Variants in PCDHGA2 observed in about 807,000 individuals in gnomAD.
PCDHGA2 encodes protocadherin gamma subfamily A, 2.
In PCDHGA2, 40 loss-of-function variants were observed where a neutral mutation model predicts 59.2. The observed-to-expected ratio is 0.68, with a 90% CI of 0.52 to 0.88. PCDHGA2 has a LOEUF of 0.88. PCDHGA2 is among the 40% of genes least tolerant of loss of function. The pLI is 0.00. For synonymous variants in PCDHGA2, 560 were observed against 526.0 expected (o/e 1.06, Z -0.89); for missense variants, 1,226 against 1,204.0 (o/e 1.02, Z -0.27).
At chr5:141,399,927 G>A (rs918358571) in intron 1 of PCDHGA2, 7 of 1,612,226 alleles carry the variant, frequency 4.3e-6, no homozygotes, top group Non-Finnish European at 5.1e-6. Flanking sequence ...ACGCCTGGCT[G>A]TCCTACCACG....
intron 1 of PCDHGA2, chr5:141,344,057 A>G (rs1407517095): frequency 6.4e-7 from 1 of 1,560,120 alleles, no homozygotes. Context: ...TGAGTTTCCG[A>G]AATGGCAGAG....
At chr5:141,375,007 C>A (rs369489853) in intron 1 of PCDHGA2, 1 of 1,614,000 alleles carries the variant, frequency 6.2e-7, no homozygotes, top group East Asian at 2.2e-5. Context: ...CAAATCTAGA[C>A]TATGAGGACT....
chr5:141,413,139 C>A, intron 1 of PCDHGA2: 1 of 1,553,028 alleles, frequency 6.4e-7, no homozygotes. Context: ...ACAACGTGTC[C>A]AGTGAGGACT....
chr5:141,375,833 C>G, intron 1 of PCDHGA2: 1 of 1,614,152 alleles, frequency 6.2e-7, no homozygotes, highest in South Asian at 1.1e-5. Flanking sequence ...CTCCGCAGAG[C>G]CCGGCTACCT....
At chr5:141,355,118 T>C in intron 1 of PCDHGA2, 1 of 1,514,140 alleles carries the variant, frequency 6.6e-7, no homozygotes, top group Non-Finnish European at 8.8e-7. Context: ...ATGCACTTTA[T>C]TTTGGACCCA....
intron 1 of PCDHGA2, chr5:141,385,640 A>G (rs917789862): frequency 1.2e-6 from 1 of 803,664 alleles, no homozygotes; most frequent in South Asian, 4.4e-5. Context: ...CGAGTCTTTC[A>G]TATTGCACAA....
chr5:141,399,221 T>C (rs564668507), intron 1 of PCDHGA2: 1 of 1,613,960 alleles, frequency 6.2e-7, no homozygotes, highest in Non-Finnish European at 8.5e-7. Flanking sequence ...ATTGCTTTGA[T>C]CAAAATACAT....
chr5:141,352,155 A>G, intron 1 of PCDHGA2: 2 of 1,612,668 alleles, frequency 1.2e-6, no homozygotes, highest in Non-Finnish European at 8.5e-7. Context: ...GGCGACAGGG[A>G]CGCGGCCCGC....
chr5:141,444,410 A>G (rs2098435910), intron 1 of PCDHGA2, among the ~76,000 whole-genome samples: 1 of 151,922 alleles, frequency 6.6e-6, no homozygotes, highest in African/African-American at 2.4e-5. Flanking sequence ...ACCTCAGGTG[A>G]TCTTCCCTCC....
At position 141,431,968 on chromosome 5, in the gene PCDHGA2, T is replaced by A. The variant is rs571981127; in HGVS notation, c.2425-62839T>A. On this transcript the variant is annotated intron_variant, in intron 1 of 3. Coordinates refer to ENST00000394576, the MANE Select transcript of PCDHGA2 (RefSeq NM_018915.4). The surrounding 1 kb of genome is among the most constrained non-coding windows in gnomAD (Gnocchi z 4.8). Reference sequence around the variant, plus strand: ...AAAAATCTTACGGAAATTACTATAGTTTAGTCACAGACATAGTCTTGGATA... The same window carrying A: ...AAAAATCTTACGGAAATTACTATAGATTAGTCACAGACATAGTCTTGGATA... 1.9e-6 allele frequency: 3 copies of A among 1,614,072 alleles called. No individual in the cohort carries two copies. Among genetic ancestry groups the A allele is most frequent in the Non-Finnish European group, 2.5e-6 (3 of 1,180,014 alleles).
intron 1 of PCDHGA2, among the ~76,000 whole-genome samples, chr5:141,438,626 A>G (rs1309857700): frequency 2.3e-5 from 1 of 43,566 alleles, no homozygotes; most frequent in Non-Finnish European, 3.7e-5. Flanking sequence ...ATATATATAT[A>G]TATATATATA....
Position 141,477,283 on chromosome 5 carries a change from C to T in PCDHGA2, c.2425-17524C>T, listed in dbSNP as rs766672047. The T allele has an allele frequency of 9.3e-6, 15 of 1,614,076 alleles. No homozygotes were observed. The highest frequency in any genetic ancestry group is 2.7e-5 in the African/African-American group (2 of 74,924). On this transcript the variant is annotated intron_variant, in intron 1 of 3. Coordinates refer to ENST00000394576, the MANE Select transcript of PCDHGA2 (RefSeq NM_018915.4). The surrounding 1 kb of genome is among the most constrained non-coding windows in gnomAD (Gnocchi z 4.9). ...CTGGCGAGAACGGGCTGGTGACCTG[C>T]GAAGTTCCACCGGGTCTCCCTTTCA... is the stretch of plus-strand genomic sequence containing the variant.
chr5:141,352,928 T>C (rs1362352639), intron 1 of PCDHGA2, among the ~76,000 whole-genome samples: 1 of 152,178 alleles, frequency 6.6e-6, no homozygotes, highest in Non-Finnish European at 1.5e-5. Flanking sequence ...GTGGAGATTG[T>C]AGTGAGCCAA....
chr5:141,478,116 C>T (rs145816520), intron 1 of PCDHGA2: 1 of 1,613,974 alleles, frequency 6.2e-7, no homozygotes, highest in Non-Finnish European at 8.5e-7. Flanking sequence ...GTGTCAGTAA[C>T]CGAGGACTCT....
intron 1 of PCDHGA2, chr5:141,419,244 C>T (rs2096349736): frequency 1.2e-6 from 2 of 1,614,008 alleles, no homozygotes; most frequent in Non-Finnish European, 1.7e-6. Context: ...GTCCACGTGC[C>T]AGAAAACAAC....
chr5:141,414,000 A>T (rs759228883), intron 1 of PCDHGA2: 2 of 1,613,282 alleles, frequency 1.2e-6, no homozygotes, highest in African/African-American at 2.7e-5. Flanking sequence ...ACAGGGACGA[A>T]GGTGCCAATG....
intron 1 of PCDHGA2, among the ~76,000 whole-genome samples, chr5:141,456,537 G>A (rs1411788378): frequency 1.3e-5 from 2 of 152,178 alleles, no homozygotes; most frequent in African/African-American, 4.8e-5. Flanking sequence ...ATTAAAGAGG[G>A]ATTGTAGCCA....
chr5:141,470,707 TA>T (rs1207543665), intron 1 of PCDHGA2, among the ~76,000 whole-genome samples: 1 of 152,164 alleles, frequency 6.6e-6, no homozygotes, highest in African/African-American at 2.4e-5. Flanking sequence ...ATTTTTATTT[TA>T]TTTTTTTGAG....
At chr5:141,437,426 C>G (rs531265278) in intron 1 of PCDHGA2, among the ~76,000 whole-genome samples, 2 of 152,150 alleles carry the variant, frequency 1.3e-5, no homozygotes, top group Non-Finnish European at 2.9e-5. Context: ...CTTTTTGAAG[C>G]AGCAATAGCA....
Sources: gnomAD v4.1 joint callset for allele counts (sites outside exome capture counted in the v4.1 genomes callset) on GRCh38, gnomAD v4.1.1 for gene constraint, Gnocchi (gnomAD v3.1) non-coding constraint, MANE v1.5 for transcripts, NCBI Gene and HGNC (gene_info 2026-07-23, HGNC 2026-07-21) for gene names.